Variants in CNRIP1 observed in about 807,000 individuals in gnomAD.
The protein encoded by CNRIP1 is CB1 cannabinoid receptor-interacting protein 1.
CNRIP1 carries 10 observed loss-of-function variants against 15.2 expected under a neutral mutation model. That is an observed-to-expected ratio of 0.66 (90% CI 0.41 to 1.12). The LOEUF is 1.12. Ranked by LOEUF, CNRIP1 falls within the 50% of genes most tolerant of loss-of-function variation. The pLI, the probability that CNRIP1 is intolerant of heterozygous loss-of-function variation, is 0.00. For missense variants in CNRIP1, 211 were observed against 214.7 expected (o/e 0.98, Z 0.11); for synonymous variants, 91 against 83.2 (o/e 1.09, Z -0.51).
At chr2:68,300,187 T>A (rs1406664050) in intron 2 of CNRIP1, among the ~76,000 whole-genome samples, 1 of 152,242 alleles carries the variant, frequency 6.6e-6, no homozygotes, top group East Asian at 1.9e-4. Flanking sequence ...TGTTAAACTT[T>A]TCCTAAGTGA....
intron 2 of CNRIP1, among the ~76,000 whole-genome samples, chr2:68,302,021 G>A (rs1040970247): frequency 6.6e-6 from 1 of 151,242 alleles, no homozygotes; most frequent in Non-Finnish European, 1.5e-5. Flanking sequence ...AAATATGCCA[G>A]CCCTGAACAA....
At chr2:68,309,871 T>C (rs534356845) in intron 2 of CNRIP1, among the ~76,000 whole-genome samples, 2 of 152,294 alleles carry the variant, frequency 1.3e-5, no homozygotes, top group East Asian at 3.9e-4. Context: ...CAGGGGCCAT[T>C]GAAAAAGCAG....
intron 2 of CNRIP1, 58 bp from the exon 3 acceptor site, chr2:68,294,084 A>C: frequency 6.4e-7 from 1 of 1,553,180 alleles, no homozygotes; most frequent in South Asian, 1.2e-5. Context: ...GCAATAGATG[A>C]GAGCTAACAT....
At chr2:68,308,221 A>G (rs1671933233) in intron 2 of CNRIP1, among the ~76,000 whole-genome samples, 1 of 151,578 alleles carries the variant, frequency 6.6e-6, no homozygotes, top group Non-Finnish European at 1.5e-5. Flanking sequence ...AAAACAAAAC[A>G]AAACAAAAAA....
chr2:68,302,214 G>A (rs952544348), intron 2 of CNRIP1, among the ~76,000 whole-genome samples: 1 of 151,938 alleles, frequency 6.6e-6, no homozygotes, highest in Admixed American at 6.6e-5. Context: ...CTAATAATTT[G>A]TTGTATAAAG....
intron 2 of CNRIP1, among the ~76,000 whole-genome samples, chr2:68,306,659 TA>T: frequency 6.6e-6 from 1 of 152,084 alleles, no homozygotes; most frequent in East Asian, 1.9e-4. Context: ...CGGGTGCCTG[TA>T]ATCCCAGCTA....
intron 2 of CNRIP1, among the ~76,000 whole-genome samples, chr2:68,303,455 G>A (rs981982971): frequency 5.9e-5 from 9 of 152,280 alleles, no homozygotes; most frequent in Non-Finnish European, 1.5e-5. Context: ...CTGGCTTGGG[G>A]AGACCTGAGC....
intron 2 of CNRIP1, chr2:68,284,545 C>G (rs1670980573): frequency 8.9e-7 from 1 of 1,120,916 alleles, no homozygotes; most frequent in Non-Finnish European, 1.3e-6. Context: ...GGTGCAGTGA[C>G]TCACGCCCGT....
At chr2:68,305,244 CAAA>C (rs60243249) in intron 2 of CNRIP1, among the ~76,000 whole-genome samples, 17,498 of 89,894 alleles carry the variant, frequency 0.19, 1,605 homozygotes, top group Non-Finnish European at 0.24. Context: ...AACTCCGTCT[CAAA>C]AAAAAAAAAA....
chr2:68,318,877 C>T (rs570039275), intron 1 of CNRIP1, among the ~76,000 whole-genome samples: 1 of 152,394 alleles, frequency 6.6e-6, no homozygotes, highest in East Asian at 1.9e-4. Context: ...CCTCTCCCAT[C>T]TGCTCCACCC....
intron 2 of CNRIP1, among the ~76,000 whole-genome samples, chr2:68,311,209 A>C (rs78468894): frequency 6.8e-6 from 1 of 147,018 alleles, no homozygotes; most frequent in Non-Finnish European, 1.5e-5. Context: ...CCAAGGGGGG[A>C]AAAACCAGTT....
rs376275866 is a variant in CNRIP1 at position 68,319,409 on chromosome 2, G to A, written c.-9C>T. The stretch of plus-strand genomic sequence containing the variant: ...CCCGGCAGGTCCCCCATGTCTGGGC[G>A]AGGGTCTGGCGCGGCGGCTCCGGGG... On this transcript the variant is annotated 5_prime_UTR_variant, in exon 1 of 3. Coordinates refer to ENST00000263655, the MANE Select transcript of CNRIP1 (RefSeq NM_015463.3). The A allele has an allele frequency of 2.6e-5, 41 of 1,550,108 alleles. No homozygotes were observed. The African/African-American group carries it at 3.4e-4, about 13-fold the overall frequency.
chr2:68,309,510 C>T (rs1671997182), intron 2 of CNRIP1, among the ~76,000 whole-genome samples: 1 of 152,154 alleles, frequency 6.6e-6, no homozygotes, highest in African/African-American at 2.4e-5. Context: ...AAGCTATTAA[C>T]CCTAATACCA....
At chr2:68,290,634 T>C (rs1671144274), downstream of CNRIP1, among the ~76,000 whole-genome samples, 1 of 152,206 alleles carries the variant, frequency 6.6e-6, no homozygotes, top group African/African-American at 2.4e-5. Flanking sequence ...TCCAATTTCA[T>C]AAGAGTCAGA....
At chr2:68,313,866 C>T (rs777294988) in intron 2 of CNRIP1, among the ~76,000 whole-genome samples, 3 of 152,106 alleles carry the variant, frequency 2.0e-5, no homozygotes, top group Non-Finnish European at 2.9e-5. Context: ...TATCATCCAA[C>T]CCCTACTTAC....
In CNRIP1 at chr2:68,300,024, T is replaced by C. The variant is rs1045001400; in HGVS notation, c.331-5998A>G. 2.6e-5 allele frequency among the ~76,000 whole-genome samples: 4 copies of C among 152,372 alleles called. No homozygotes were observed. The East Asian group carries it at 7.7e-4, about 29-fold the overall frequency. On this transcript the variant is annotated intron_variant, in intron 2 of 2. Coordinates refer to ENST00000263655, the MANE Select transcript of CNRIP1 (RefSeq NM_015463.3). ...AGTATAAATATGCATCTGTGACTTTTAGTGTGGTGTGACCTATCAATTTCC... is the reference window on the plus strand; with the variant it reads ...AGTATAAATATGCATCTGTGACTTTCAGTGTGGTGTGACCTATCAATTTCC...
intron 2 of CNRIP1, among the ~76,000 whole-genome samples, chr2:68,297,217 C>T (rs572821675): frequency 4.4e-4 from 67 of 152,060 alleles, no homozygotes; most frequent in African/African-American, 1.2e-3. Flanking sequence ...GTAAGTACTA[C>T]GAGGAACATT....
intron 2 of CNRIP1, among the ~76,000 whole-genome samples, chr2:68,306,303 A>C (rs1558666338): frequency 6.9e-6 from 1 of 145,484 alleles, no homozygotes; most frequent in Non-Finnish European, 1.5e-5. Flanking sequence ...ACAGCCTGGT[A>C]ATAGTGAGAT....
chr2:68,284,283 A>G, exon 3 of CNRIP1: 1 of 511,414 alleles, frequency 2.0e-6, no homozygotes, highest in Non-Finnish European at 3.4e-6. Flanking sequence ...CTAAAAAGGT[A>G]GAGTTTAGGA....
Sources: gnomAD v4.1 joint callset for allele counts (sites outside exome capture counted in the v4.1 genomes callset) on GRCh38, gnomAD v4.1.1 for gene constraint, MANE v1.5 for transcripts, NCBI Gene and HGNC (gene_info 2026-07-23, HGNC 2026-07-21) for gene names.